IL6R: variants seen among roughly 807,000 people sequenced by gnomAD.
IL6R encodes interleukin-6 receptor subunit alpha.
IL6R carries 38 observed loss-of-function variants against 48.3 expected under a neutral mutation model. The ratio of observed to expected loss-of-function variants is 0.79; its 90% confidence interval spans 0.61 to 1.03. The LOEUF is 1.03. Ranked by LOEUF, IL6R falls within the 50% of genes least tolerant of loss-of-function variation. The pLI is 0.00. For synonymous variants in IL6R, 264 were observed against 256.2 expected (o/e 1.03, Z -0.29); for missense variants, 534 against 618.3 (o/e 0.86, Z 1.45).
intron 1 of IL6R, among the ~76,000 whole-genome samples, chr1:154,417,506 T>G (rs1688420475): frequency 6.6e-6 from 1 of 152,162 alleles, no homozygotes; most frequent in Non-Finnish European, 1.5e-5. Context: ...TGCGTCCTGC[T>G]TTTAATCTCT....
At chr1:154,457,981 T>TTC (rs1690998780) in intron 9 of IL6R, among the ~76,000 whole-genome samples, 1 of 150,468 alleles carries the variant, frequency 6.6e-6, no homozygotes, top group African/African-American at 2.4e-5. Flanking sequence ...TTTTTTTTTT[T>TTC]TTTGAGACGG....
Position 154,434,438 on chromosome 1 carries a change from G to C in IL6R, c.459-81G>C. 7.1e-6 allele frequency: 9 copies of C among 1,270,516 alleles called. 1 individual carries two copies. In the South Asian group the frequency reaches 1.3e-4, roughly 18 times the overall value. The allele number at this position is 1,270,516 out of a possible 1,614,324, so 78.7% of individuals were successfully genotyped here. ...TCTGGAGCTGGGATTCAAACCCCGGGATTCCACTTCCCCCTTCTGTCCCGT... is the reference window on the plus strand; with the variant it reads ...TCTGGAGCTGGGATTCAAACCCCGGCATTCCACTTCCCCCTTCTGTCCCGT... On this transcript the variant is annotated intron_variant, in intron 3 of 9. Transcript: ENST00000368485.
chr1:154,422,460 TG>T (rs1439451889), intron 1 of IL6R, among the ~76,000 whole-genome samples: 1 of 152,136 alleles, frequency 6.6e-6, no homozygotes, highest in Admixed American at 6.5e-5. Flanking sequence ...TAGGGCTTTG[TG>T]GGGTTTAAAG....
intron 1 of IL6R, among the ~76,000 whole-genome samples, chr1:154,426,206 A>T (rs905301434): frequency 6.6e-6 from 1 of 151,826 alleles, no homozygotes; most frequent in African/African-American, 2.4e-5. Flanking sequence ...ATATACACAC[A>T]AAGGAAGTTC....
At chr1:154,417,497 G>T (rs2149215779) in intron 1 of IL6R, among the ~76,000 whole-genome samples, 1 of 152,280 alleles carries the variant, frequency 6.6e-6, no homozygotes, top group East Asian at 1.9e-4. Context: ...AGGCCCTGCT[G>T]CGTCCTGCTT....
intron 9 of IL6R, among the ~76,000 whole-genome samples, chr1:154,455,756 G>A (rs1275602510): frequency 6.6e-6 from 1 of 151,086 alleles, no homozygotes; most frequent in East Asian, 2.0e-4. Flanking sequence ...CCAGCCTGTG[G>A]AGTTTTAAGA....
At chr1:154,407,750 G>A (rs1468406867) in intron 1 of IL6R, among the ~76,000 whole-genome samples, 2 of 152,092 alleles carry the variant, frequency 1.3e-5, no homozygotes, top group Admixed American at 6.5e-5. Flanking sequence ...ATCAGCTGCC[G>A]CCCACACACC....
At chr1:154,407,529 C>G (rs1015001342) in intron 1 of IL6R, among the ~76,000 whole-genome samples, 2 of 152,172 alleles carry the variant, frequency 1.3e-5, no homozygotes, top group Non-Finnish European at 2.9e-5. Flanking sequence ...AAATACCCAG[C>G]CCCTCTCCCA....
intron 6 of IL6R, among the ~76,000 whole-genome samples, chr1:154,437,733 A>T (rs1373779022): frequency 1.3e-5 from 2 of 150,580 alleles, no homozygotes; most frequent in African/African-American, 2.4e-5. Flanking sequence ...TTTTTTTTTT[A>T]GACGGAATCT....
Position 154,429,310 on chromosome 1 carries a change from C to T in IL6R, c.200C>T (p.Ala67Val), listed in dbSNP as rs147437437. Residue 67 changes from alanine (A) to valine (V), a missense_variant, in exon 2 of 10, where the codon GCA (alanine) becomes GTA (valine). By Grantham distance (64) the Ala-to-Val change is moderately conservative. Coordinates refer to ENST00000368485, the MANE Select transcript of IL6R (RefSeq NM_000565.4). ...TVHWVLRKPAAGSHPSRWAGM... is the reference protein window; with the variant it reads ...TVHWVLRKPAVGSHPSRWAGM... ...CACTGGGTGCTCAGGAAGCCGGCTG[C>T]AGGCTCCCACCCCAGCAGATGGGCT... The T allele has an allele frequency of 1.9e-6, 3 of 1,614,120 alleles. No homozygotes were observed. Among genetic ancestry groups the T allele is most frequent in the Admixed American group, 3.3e-5 (2 of 60,020 alleles).
At chr1:154,437,880 ATT>A (rs34722852) in intron 6 of IL6R, among the ~76,000 whole-genome samples, 86 of 138,228 alleles carry the variant, frequency 6.2e-4, no homozygotes, top group Admixed American at 1.0e-3. Context: ...CGCCCGGCTA[ATT>A]TTTTTTTTTT....
intron 9 of IL6R, among the ~76,000 whole-genome samples, chr1:154,455,779 A>G (rs1215666269): frequency 6.8e-6 from 1 of 146,010 alleles, no homozygotes; most frequent in Non-Finnish European, 1.5e-5. Flanking sequence ...AACCTGGGCC[A>G]GGCGCTGTGG....
chr1:154,459,448 G>C (rs1691114271), intron 9 of IL6R, among the ~76,000 whole-genome samples: 1 of 152,218 alleles, frequency 6.6e-6, no homozygotes. Flanking sequence ...CTAGCAAAGA[G>C]TATAAACTTA....
chr1:154,450,780 A>G (rs796401208), intron 8 of IL6R, among the ~76,000 whole-genome samples: 7 of 152,364 alleles, frequency 4.6e-5, no homozygotes, highest in African/African-American at 1.7e-4. Flanking sequence ...TCAGTAGTTG[A>G]GCAGCTCCCC....
intron 1 of IL6R, among the ~76,000 whole-genome samples, chr1:154,422,239 G>T (rs555246614): frequency 6.6e-6 from 1 of 152,220 alleles, no homozygotes; most frequent in Non-Finnish European, 1.5e-5. Flanking sequence ...ACGGCGCCTG[G>T]TGACTCAGTT....
At chr1:154,426,960 C>G (rs1182133331) in intron 1 of IL6R, among the ~76,000 whole-genome samples, 1 of 151,378 alleles carries the variant, frequency 6.6e-6, no homozygotes, top group Admixed American at 6.6e-5. Context: ...CTCTTTTTGC[C>G]CAGGCTGGAG....
At position 154,466,797 on chromosome 1, in the gene IL6R, G is replaced by A. The variant is rs892780880; in HGVS notation, c.*1417G>A. 3 of 173,978 alleles carry A rather than the reference G, an allele frequency of 1.7e-5. No homozygotes were observed. The highest frequency in any genetic ancestry group is 6.3e-5 in the Admixed American group (1 of 15,876). 10.8% of individuals were successfully genotyped at this position (173,978 alleles called of 1,614,324 possible). A position where few individuals can be genotyped will look rare whatever the true frequency, so the allele number is the denominator to read the frequency against. On this transcript the variant is annotated 3_prime_UTR_variant, in exon 10 of 10. Transcript: ENST00000368485. ...TGGGAGGTCAAGGCTGCAGTGAGCC[G>A]AGATTGCACCACTGCACTCCAGCCT...
chr1:154,412,255 T>TTTTTTG (rs1688068871), intron 1 of IL6R, among the ~76,000 whole-genome samples: 1 of 148,516 alleles, frequency 6.7e-6, no homozygotes, highest in East Asian at 2.0e-4. Context: ...TGAGCCTTTT[T>TTTTTTG]TTTTTGTTTT....
At chr1:154,444,982 G>A (rs777106966) in intron 6 of IL6R, 23 of 425,256 alleles carry the variant, frequency 5.4e-5, no homozygotes, top group Non-Finnish European at 9.1e-5. Flanking sequence ...AATGAGGGGC[G>A]CTTTTGGCAC....
Sources: allele counts gnomAD v4.1 joint callset (sites outside exome capture counted in the v4.1 genomes callset), GRCh38; gene constraint gnomAD v4.1.1; transcripts MANE v1.5; gene names NCBI Gene and HGNC (gene_info 2026-07-23, HGNC 2026-07-21).